Variants in SARS2 observed in about 807,000 individuals in gnomAD.
SARS2 encodes seryl-tRNA synthetase 2, mitochondrial.
In SARS2, 52 loss-of-function variants were observed where a neutral mutation model predicts 66.8. That is an observed-to-expected ratio of 0.78 (90% CI 0.62 to 0.98). SARS2 has a LOEUF of 0.98. Among genes scored for constraint, SARS2 ranks in the 50% least tolerant of loss-of-function variants. The probability of loss-of-function intolerance (pLI) is 0.00; values close to 1 mark genes in which losing one functional copy is unlikely to be tolerated. For synonymous variants in SARS2, 306 were observed against 281.4 expected (o/e 1.09, Z -0.87); for missense variants, 673 against 706.3 (o/e 0.95, Z 0.53).
At position 38,916,036 on chromosome 19, in the gene SARS2, C is replaced by A; in HGVS notation, c.1347+1G>T. On this transcript the variant is annotated splice_donor_variant, in intron 14 of 15. Transcript: ENST00000221431. LOFTEE classifies it high-confidence loss of function. Reference sequence around the variant, plus strand: ...CGGGCAGGAGGCTGTGCGGGCCTCACCGTGTGGGCAAACTGCAGCTCCCCA... The same window carrying A: ...CGGGCAGGAGGCTGTGCGGGCCTCAACGTGTGGGCAAACTGCAGCTCCCCA... The A allele has an allele frequency of 6.2e-7, 1 of 1,613,468 alleles. No homozygotes were observed. The highest frequency in any genetic ancestry group is 2.2e-5 in the East Asian group (1 of 44,872).
In SARS2 at chr19:38,930,553, G is replaced by A. The variant is rs200608560; in HGVS notation, c.184C>T (p.Arg62Trp). 137 of 1,613,680 alleles carry A rather than the reference G, an allele frequency of 8.5e-5. No individual in the cohort carries two copies. Among genetic ancestry groups the A allele is most frequent in the Non-Finnish European group, 1.1e-4 (131 of 1,180,018 alleles). ...YSALPQLDIE[R>W]FCACPEEAAH... ...GCCTCTTCTGGGCATGCGCAGAACC[G>A]CTCTATGTCCAGCTGAGGGAGTGCG... The change falls in exon 1 of 16, where the codon CGG becomes TGG. Residue 62 changes from arginine (R) to tryptophan (W), a missense_variant. Transcript: ENST00000221431.
chr19:38,916,487 A>G (rs1974421034), intron 12 of SARS2, among the ~76,000 whole-genome samples, 173 bp from the exon 13 acceptor site: 1 of 152,044 alleles, frequency 6.6e-6, no homozygotes, highest in African/African-American at 2.4e-5. Context: ...ACAAACAAAA[A>G]AAAGGAGACG....
rs1209496041 is a variant in SARS2, at chr19:38,915,586, G to A, written c.*20C>T. On this transcript the variant is annotated 3_prime_UTR_variant, in exon 16 of 16. Coordinates refer to ENST00000221431, the MANE Select transcript of SARS2 (RefSeq NM_017827.4). ...CTCCAGGAAGCAGTGACACCCCCGA[G>A]GGCTGCTGTGGGTGGGTTCTTAGCT... The A allele has an allele frequency of 1.2e-6, 2 of 1,610,306 alleles. No individual in the cohort carries two copies. The highest frequency in any genetic ancestry group is 2.7e-5 in the African/African-American group (2 of 74,988).
chr19:38,919,765 G>A lies in SARS2; in HGVS notation c.756C>T (p.Arg252=), dbSNP rs757942153. Residue 252 remains arginine (R), a synonymous_variant, in exon 7 of 16, where the codon CGC becomes CGT. Transcript: ENST00000221431. ...LVNFTFNKLL[R]RGFTPMTVPD... Reference sequence around the variant, plus strand: ...GCCCTCCTATCTTGGCCCATACCCGGCGGAGAAGCTTGTTGAATGTGAAGT... The same window carrying A: ...GCCCTCCTATCTTGGCCCATACCCGACGGAGAAGCTTGTTGAATGTGAAGT... 7 of 1,613,868 alleles carry A rather than the reference G, an allele frequency of 4.3e-6. No individual in the cohort carries two copies. The South Asian group carries it at 6.6e-5, about 15-fold the overall frequency.
chr19:38,921,074 GAC>G (rs760863297), intron 5 of SARS2, among the ~76,000 whole-genome samples: 1 of 93,362 alleles, frequency 1.1e-5, no homozygotes, highest in Non-Finnish European at 1.9e-5. Flanking sequence ...TACAGATACA[GAC>G]ACACAGATAC....
chr19:38,917,240 G>A (rs961221431), intron 12 of SARS2, among the ~76,000 whole-genome samples: 1 of 152,236 alleles, frequency 6.6e-6, no homozygotes, highest in Non-Finnish European at 1.5e-5. Context: ...AATTACAGGC[G>A]TGAGCCACCA....
chr19:38,917,854 G>C, intron 11 of SARS2, 21 bp from the exon 12 acceptor site: 1 of 1,613,260 alleles, frequency 6.2e-7, no homozygotes, highest in Non-Finnish European at 8.5e-7. Context: ...GGGCACAGGA[G>C]TCAGGAGGCT....
At chr19:38,926,107 TGC>T (rs1974622469) in intron 2 of SARS2, 96 bp downstream of exon 2, 1 of 1,039,938 alleles carries the variant, frequency 9.6e-7, no homozygotes, top group African/African-American at 1.6e-5. Context: ...TGAGCCACCG[TGC>T]CAGCCTGTTC....
chr19:38,918,711 C>G (rs914041182), intron 8 of SARS2, 55 bp downstream of exon 8: 37 of 1,546,408 alleles, frequency 2.4e-5, no homozygotes, highest in Non-Finnish European at 3.2e-5. Context: ...CCTCGGGCAC[C>G]CACGGCAGGG....
chr19:38,917,293 A>G (rs1194377346), intron 12 of SARS2, among the ~76,000 whole-genome samples: 1 of 152,254 alleles, frequency 6.6e-6, no homozygotes, highest in Admixed American at 6.5e-5. Flanking sequence ...GGTCACCCAG[A>G]AAAGAAGTCC....
intron 1 of SARS2, among the ~76,000 whole-genome samples, chr19:38,927,400 C>T (rs929368627): frequency 1.3e-5 from 2 of 151,628 alleles, no homozygotes; most frequent in African/African-American, 4.8e-5. Context: ...GAAACCCTGT[C>T]TCTACAAAAA....
At chr19:38,926,427 T>G in intron 1 of SARS2, 127 bp from the exon 2 acceptor site, 1 of 762,140 alleles carries the variant, frequency 1.3e-6, no homozygotes, top group Non-Finnish European at 2.3e-6. Context: ...TCAGTGGCCA[T>G]CCTCCCCTCC....
At chr19:38,930,258 A>T in intron 1 of SARS2, 1 of 629,018 alleles carries the variant, frequency 1.6e-6, no homozygotes, top group Non-Finnish European at 2.7e-6. Flanking sequence ...ATGGGTGTCC[A>T]GGACACAGTA....
chr19:38,923,310 C>T lies in SARS2; in HGVS notation c.364-1043G>A, dbSNP rs557032703. On this transcript the variant is annotated intron_variant, in intron 2 of 15. Transcript: ENST00000221431. ...GATCTCGGCTCACTGCAAGCTCCGC[C>T]TCCCGGGTTCACGCCATTCTCCTGC... Among the ~76,000 whole-genome samples the T allele has an allele frequency of 3.0e-3, 432 of 145,696 alleles. 3 individuals are homozygous for T. Among genetic ancestry groups the T allele is most frequent in the African/African-American group, 0.01 (404 of 38,984 alleles).
chr19:38,930,104 C>G (rs987247417), intron 1 of SARS2: 18 of 255,020 alleles, frequency 7.1e-5, no homozygotes, highest in Non-Finnish European at 4.6e-5. Context: ...AGCCCTGACC[C>G]CGTCCGATTC....
rs1568424868 is a variant in SARS2 at position 38,919,876 on chromosome 19, CAG to C, written c.654-11_654-10del. On this transcript the variant is annotated splice_polypyrimidine_tract_variant and intron_variant, in intron 6 of 15. Transcript: ENST00000221431. ...ACACGTGGGACAGGCGCCTGGGAGA[CAG>C]ACAGACAGGCGGGTGCACATGGGCC... 1.2e-6 allele frequency: 2 copies of C among 1,609,980 alleles called. No homozygotes were observed. Among genetic ancestry groups the C allele is most frequent in the Non-Finnish European group, 1.7e-6 (2 of 1,176,898 alleles).
Position 38,920,111 on chromosome 19 carries a change from C to T in SARS2, c.628G>A (p.Glu210Lys), listed in dbSNP as rs867710443. The T allele has an allele frequency of 5.8e-6, 9 of 1,562,272 alleles. No homozygotes were observed. Among genetic ancestry groups the T allele is most frequent in the Admixed American group, 3.8e-5 (2 of 52,138 alleles). ...FQPRGHLEIG[E>K]KLDIIRQKRL... ...TTCTGACGGATGATGTCGAGTTTCT[C>T]GCCAATTTCCAGGTGGCCCCGAGGT... Residue 210 changes from glutamate (E) to lysine (K), a missense_variant, in exon 6 of 16, where the codon GAG (glutamate) becomes AAG (lysine). Transcript: ENST00000221431.
At position 38,915,682 on chromosome 19, in the gene SARS2, G is replaced by A. The variant is rs138608193; in HGVS notation, c.1481C>T (p.Thr494Ile). Residue 494 changes from threonine to isoleucine, a missense_variant, in exon 16 of 16, where the codon ACC becomes ATC. Coordinates refer to ENST00000221431, the MANE Select transcript of SARS2 (RefSeq NM_017827.4). ...GCCGATGTACTGGAGAGGCACGTGG[G>A]TAGGGGCTGTGATCCGATCAGTGCC... is the stretch of plus-strand genomic sequence containing the variant. ...YLGTDRITAP[T>I]HVPLQYIGPN... 1.9e-6 allele frequency: 3 copies of A among 1,613,282 alleles called. No individual in the cohort carries two copies. Among genetic ancestry groups the A allele is most frequent in the Non-Finnish European group, 2.5e-6 (3 of 1,179,612 alleles).
intron 1 of SARS2, 75 bp from the exon 2 acceptor site, chr19:38,926,375 C>G: frequency 7.1e-7 from 1 of 1,407,756 alleles, no homozygotes; most frequent in Admixed American, 1.8e-5. Flanking sequence ...CACTGGCCAC[C>G]TGGACCTGCG....
Sources: gnomAD v4.1 joint callset for allele counts (sites outside exome capture counted in the v4.1 genomes callset) on GRCh38, gnomAD v4.1.1 for gene constraint, MANE v1.5 for transcripts, NCBI Gene and HGNC (gene_info 2026-07-23, HGNC 2026-07-21) for gene names.